The following CAB39L variants were observed in gnomAD, a reference collection of about 807,000 sequenced individuals.
The protein encoded by CAB39L is calcium binding protein 39 like, also known as calcium-binding protein 39-like.
In CAB39L, 23 loss-of-function variants were observed where a neutral mutation model predicts 39.1. The observed-to-expected ratio is 0.59, with a 90% CI of 0.42 to 0.83. CAB39L has a LOEUF of 0.83. Among genes scored for constraint, CAB39L ranks in the 40% least tolerant of loss-of-function variants. The probability of loss-of-function intolerance (pLI) is 0.00; values close to 1 mark genes in which losing one functional copy is unlikely to be tolerated. For missense variants in CAB39L, 366 were observed against 391.9 expected (o/e 0.93, Z 0.56); for synonymous variants, 126 against 137.2 (o/e 0.92, Z 0.57).
chr13:49,380,109 G>A (rs1395633030), intron 4 of CAB39L, among the ~76,000 whole-genome samples: 1 of 152,166 alleles, frequency 6.6e-6, no homozygotes, highest in Non-Finnish European at 1.5e-5. Context: ...AAAGTGCTGG[G>A]ATTACAGGCG....
intron 9 of CAB39L, among the ~76,000 whole-genome samples, chr13:49,332,778 T>C (rs1954747434): frequency 6.6e-6 from 1 of 151,858 alleles, no homozygotes; most frequent in Admixed American, 6.6e-5. Context: ...TTAGAAACTT[T>C]TTGTTCTCAC....
intron 10 of CAB39L, among the ~76,000 whole-genome samples, chr13:49,326,178 G>C (rs1040111602): frequency 6.6e-6 from 1 of 152,210 alleles, no homozygotes; most frequent in Non-Finnish European, 1.5e-5. Context: ...TTGCTATCAA[G>C]GTTAACAGGG....
chr13:49,308,866 T>G lies in CAB39L; in HGVS notation c.*1948A>C, dbSNP rs1296253872. On this transcript the variant is annotated 3_prime_UTR_variant, in exon 11 of 11. Transcript: ENST00000409308. Reference sequence around the variant, plus strand: ...AAACCCCAGACTCTAGTTTTCTGTTTGAAAGGTACTGAGCTGGGATAATGG... The same window carrying G: ...AAACCCCAGACTCTAGTTTTCTGTTGGAAAGGTACTGAGCTGGGATAATGG... 1 of 152,412 alleles carries G rather than the reference T, an allele frequency of 6.6e-6. No homozygotes were observed. Among genetic ancestry groups the G allele is most frequent in the African/African-American group, 2.4e-5 (1 of 41,428 alleles). 9.4% of individuals were successfully genotyped at this position (152,412 alleles called of 1,614,324 possible).
intron 3 of CAB39L, among the ~76,000 whole-genome samples, chr13:49,428,264 T>A (rs1957271566): frequency 1.3e-5 from 2 of 152,226 alleles, no homozygotes; most frequent in African/African-American, 4.8e-5. Flanking sequence ...ATCATGAAGT[T>A]TGACTGGAGC....
chr13:49,334,644 G>C (rs1407194582), intron 9 of CAB39L, among the ~76,000 whole-genome samples: 1 of 152,148 alleles, frequency 6.6e-6, no homozygotes, highest in Non-Finnish European at 1.5e-5. Context: ...AGCTCCATAA[G>C]GGCGTGTTTC....
intron 5 of CAB39L, among the ~76,000 whole-genome samples, chr13:49,370,049 G>A (rs983670001): frequency 4.6e-5 from 7 of 152,074 alleles, no homozygotes; most frequent in South Asian, 2.1e-4. Flanking sequence ...GGTGTGTTGC[G>A]GGGGAGTTGA....
chr13:49,385,262 T>C (rs1956333673), intron 3 of CAB39L, among the ~76,000 whole-genome samples: 7 of 152,180 alleles, frequency 4.6e-5, no homozygotes, highest in Admixed American at 4.6e-4. Flanking sequence ...CATGGAGCAA[T>C]CTCTTTTAGC....
At chr13:49,372,236 C>A (rs1322233394) in intron 5 of CAB39L, among the ~76,000 whole-genome samples, 1 of 152,110 alleles carries the variant, frequency 6.6e-6, no homozygotes, top group African/African-American at 2.4e-5. Context: ...ATTTTTTGAA[C>A]CTCATAATAG....
intron 3 of CAB39L, among the ~76,000 whole-genome samples, chr13:49,431,950 A>G (rs989809459): frequency 3.3e-5 from 5 of 152,166 alleles, no homozygotes; most frequent in African/African-American, 1.2e-4. Context: ...ACTTGGCAAT[A>G]AAAAGGAATA....
chr13:49,329,285 C>A (rs1249160091), intron 10 of CAB39L, among the ~76,000 whole-genome samples: 1 of 151,982 alleles, frequency 6.6e-6, no homozygotes, highest in African/African-American at 2.4e-5. Context: ...TATTGCTCTA[C>A]CACACAAATT....
intron 3 of CAB39L, among the ~76,000 whole-genome samples, chr13:49,394,478 A>G (rs1450437791): frequency 6.6e-6 from 1 of 152,092 alleles, no homozygotes; most frequent in Non-Finnish European, 1.5e-5. Context: ...ATGAATCTAG[A>G]ACCTTAAAAT....
chr13:49,415,376 C>G (rs1294118710), intron 3 of CAB39L, among the ~76,000 whole-genome samples: 2 of 151,244 alleles, frequency 1.3e-5, no homozygotes, highest in African/African-American at 4.9e-5. Context: ...CAAAAATTAG[C>G]GGGGTGTGGT....
Position 49,359,719 on chromosome 13 carries a change from G to C in CAB39L, c.390C>G (p.Leu130=), listed in dbSNP as rs752802320. ...SAHPHILFML[L]KGYEAPQIAL... ...AAAGGAAGCCATGTACCTACCCTTT[G>C]AGGAGCATAAACAGGATATGAGGAT... Residue 130 remains leucine, a synonymous_variant, in exon 6 of 11, where the codon CTC becomes CTG. Coordinates refer to ENST00000409308, the MANE Select transcript of CAB39L (RefSeq NM_001079670.3). 6.4e-6 allele frequency: 10 copies of C among 1,571,018 alleles called. No individual in the cohort carries two copies. The highest frequency in any genetic ancestry group is 8.7e-6 in the Non-Finnish European group (10 of 1,143,162).
intron 5 of CAB39L, among the ~76,000 whole-genome samples, chr13:49,375,564 C>T (rs991992580): frequency 6.6e-6 from 1 of 151,866 alleles, no homozygotes; most frequent in Non-Finnish European, 1.5e-5. Flanking sequence ...CCAAACACTG[C>T]ATGTTCTCAT....
intron 10 of CAB39L, among the ~76,000 whole-genome samples, chr13:49,322,315 A>G (rs1954371582): frequency 6.6e-6 from 1 of 152,228 alleles, no homozygotes; most frequent in Admixed American, 6.5e-5. Flanking sequence ...ATGTTGTAGC[A>G]TGTTACGAAT....
intron 4 of CAB39L, among the ~76,000 whole-genome samples, chr13:49,380,119 G>A (rs978492362): frequency 3.3e-5 from 5 of 152,168 alleles, no homozygotes; most frequent in East Asian, 3.8e-4. Context: ...GATTACAGGC[G>A]TGAGCCACTG....
chr13:49,340,937 G>A (rs1954987978), intron 8 of CAB39L, among the ~76,000 whole-genome samples: 1 of 152,158 alleles, frequency 6.6e-6, no homozygotes, highest in Non-Finnish European at 1.5e-5. Flanking sequence ...ATATATGGAT[G>A]TAAAAACAAA....
Position 49,332,241 on chromosome 13 carries a change from C to A in CAB39L, c.691-151G>T, listed in dbSNP as rs559275027. 956 of 859,916 alleles carry A rather than the reference C, an allele frequency of 1.1e-3. 2 individuals are homozygous for A. Among genetic ancestry groups the A allele is most frequent in the Admixed American group, 1.8e-3 (60 of 33,666 alleles). The allele number at this position is 859,916 out of a possible 1,614,324, so 53.3% of individuals were successfully genotyped here. A position where few individuals can be genotyped will look rare whatever the true frequency, so the allele number is the denominator to read the frequency against. The stretch of plus-strand genomic sequence containing the variant: ...GTGTCCTTAAGTGCATCTCAAAGCA[C>A]AGGCATAAAAGCAATAGTTATTGAG... On this transcript the variant is annotated intron_variant, in intron 9 of 10. Transcript: ENST00000409308.
intron 7 of CAB39L, among the ~76,000 whole-genome samples, chr13:49,346,091 T>C (rs780008729): frequency 0.16 from 14,101 of 85,968 alleles, 1,907 homozygotes; most frequent in Admixed American, 0.26. Context: ...TATATATATA[T>C]ATATGCTAGA....
Sources: allele counts gnomAD v4.1 joint callset (sites outside exome capture counted in the v4.1 genomes callset), GRCh38; gene constraint gnomAD v4.1.1; transcripts MANE v1.5; gene names NCBI Gene and HGNC (gene_info 2026-07-23, HGNC 2026-07-21).